The following ACBD5 variants were observed in gnomAD, a reference collection of about 807,000 sequenced individuals.
ACBD5 encodes acyl-CoA-binding domain-containing protein 5.
ACBD5 carries 40 observed loss-of-function variants against 71.8 expected under a neutral mutation model. That is an observed-to-expected ratio of 0.56 (90% confidence interval 0.43 to 0.72). The LOEUF (loss-of-function observed/expected upper bound fraction) is 0.72, where lower values mean the gene tolerates loss of function less well. Ranked by LOEUF, ACBD5 falls within the 30% of genes least tolerant of loss-of-function variation. ACBD5 has a pLI of 0.00. For synonymous variants in ACBD5, 229 were observed against 218.6 expected (o/e 1.05, Z -0.42); for missense variants, 559 against 644.5 (o/e 0.87, Z 1.44).
At chr10:27,229,381 G>A (rs1406792765) in intron 4 of ACBD5, among the ~76,000 whole-genome samples, 1 of 151,762 alleles carries the variant, frequency 6.6e-6, no homozygotes, top group Non-Finnish European at 1.5e-5. Flanking sequence ...CCTGAGGTCA[G>A]GAGTTCGAGA....
At chr10:27,215,462 A>G in intron 8 of ACBD5, 73 bp downstream of exon 8, 1 of 944,784 alleles carries the variant, frequency 1.1e-6, no homozygotes, top group Admixed American at 2.0e-5. Flanking sequence ...TATATTTGCT[A>G]CTAACAGAAG....
chr10:27,221,022 G>A (rs1196108719), intron 5 of ACBD5, among the ~76,000 whole-genome samples: 1 of 152,128 alleles, frequency 6.6e-6, no homozygotes, highest in Non-Finnish European at 1.5e-5. Flanking sequence ...ACAAATGTAC[G>A]TGGTTATTCT....
At chr10:27,200,755 G>A (rs551187130) in intron 12 of ACBD5, among the ~76,000 whole-genome samples, 3 of 152,200 alleles carry the variant, frequency 2.0e-5, no homozygotes, top group East Asian at 1.9e-4. Flanking sequence ...CACCGCGTCC[G>A]GCCTATTCCT....
At chr10:27,212,503 T>C (rs1753387) in intron 8 of ACBD5, among the ~76,000 whole-genome samples, 26,990 of 151,890 alleles carry the variant, frequency 0.18, 2,917 homozygotes, top group East Asian at 0.29. Context: ...TCTGAGTTTT[T>C]CATCCTTTTC....
At chr10:27,212,399 C>T (rs1369234639) in intron 8 of ACBD5, among the ~76,000 whole-genome samples, 1 of 152,090 alleles carries the variant, frequency 6.6e-6, no homozygotes, top group African/African-American at 2.4e-5. Flanking sequence ...TAGAATGTAG[C>T]AGCTGGATAT....
chr10:27,228,815 A>ATATTTTTTT (rs1554856598), intron 4 of ACBD5, among the ~76,000 whole-genome samples: 3 of 20,362 alleles, frequency 1.5e-4, no homozygotes, highest in Non-Finnish European at 2.5e-4. Flanking sequence ...ATATATATAT[A>ATATTTTTTT]TTTTTTTTTT....
rs761127082 is a variant in ACBD5 at position 27,208,421 on chromosome 10, T to A, written c.1229A>T (p.Glu410Val). Residue 410 changes from glutamate (E) to valine (V), a missense_variant, in exon 10 of 13, where the codon GAA (glutamate) becomes GTA (valine). Glu to Val is a moderately radical substitution (Grantham distance 121). Coordinates refer to ENST00000396271, the MANE Select transcript of ACBD5 (RefSeq NM_145698.5). The part of the protein sequence containing the change: ...GRGHRMQHLS[E>V]GTKGRQVGSG... ...TCCCACCTGCCGGCCCTTGGTTCCT[T>A]CGCTCAAGTGTTGCATCCTATGTCC... 9.9e-6 allele frequency: 16 copies of A among 1,614,044 alleles called. 1 individual carries two copies. The highest frequency in any genetic ancestry group is 1.1e-5 in the Non-Finnish European group (13 of 1,180,030).
rs181390916 is a variant in ACBD5 at position 27,186,256 on chromosome 10, G to T, written c.1494-3541C>A. ...TAACAGACATTAAACAAATGTCTGT[G>T]AAACTGACATAATAAAGTAAGGTAA... On this transcript the variant is annotated intron_variant, in intron 13 of 13. Coordinates refer to the ACBD5 transcript ENST00000676511. 450 of 1,012,454 alleles carry T rather than the reference G, an allele frequency of 4.4e-4. No individual in the cohort carries two copies. The African/African-American group carries it at 6.5e-3, about 15-fold the overall frequency. The allele number at this position is 1,012,454 out of a possible 1,614,324, so 62.7% of individuals were successfully genotyped here.
At position 27,196,266 on chromosome 10, in the gene ACBD5, G is replaced by C. The variant is rs1168938894; in HGVS notation, c.*1164C>G. On this transcript the variant is annotated 3_prime_UTR_variant, in exon 13 of 13. Transcript: ENST00000396271. Reference sequence around the variant, plus strand: ...TCTTCAAAGCACAAGGTACATCTAAGTGAGCAGGAAGTTTTGGAAGGCATA... The same window carrying C: ...TCTTCAAAGCACAAGGTACATCTAACTGAGCAGGAAGTTTTGGAAGGCATA... 2 of 453,984 alleles carry C rather than the reference G, an allele frequency of 4.4e-6. No homozygotes were observed. The highest frequency in any genetic ancestry group is 8.8e-6 in the Non-Finnish European group (2 of 226,800). 28.1% of individuals were successfully genotyped at this position (453,984 alleles called of 1,614,324 possible).
intron 5 of ACBD5, chr10:27,220,281 T>C (rs1208223206): frequency 6.5e-6 from 1 of 155,024 alleles, no homozygotes; most frequent in African/African-American, 2.4e-5. Flanking sequence ...CTGTATTACC[T>C]TTAGGACTTC....
At chr10:27,208,207 C>A in intron 10 of ACBD5, 39 bp downstream of exon 10, 2 of 1,593,912 alleles carry the variant, frequency 1.3e-6, no homozygotes, top group South Asian at 2.2e-5. Context: ...TTTCCAGAAT[C>A]AATAAGCACA....
At position 27,197,223 on chromosome 10, in the gene ACBD5, T is replaced by G. The variant is rs2059450907; in HGVS notation, c.*207A>C. ...CTTATAACCTAGTAGAGATTGATTATTCAAGTATCAGCAATATTAGTCCTT... is the reference window on the plus strand; with the variant it reads ...CTTATAACCTAGTAGAGATTGATTAGTCAAGTATCAGCAATATTAGTCCTT... On this transcript the variant is annotated 3_prime_UTR_variant, in exon 13 of 13. Transcript: ENST00000396271. 3 of 661,280 alleles carry G rather than the reference T, an allele frequency of 4.5e-6. No homozygotes were observed. Among genetic ancestry groups the G allele is most frequent in the Non-Finnish European group, 8.4e-6 (3 of 355,940 alleles). 41.0% of individuals were successfully genotyped at this position (661,280 alleles called of 1,614,324 possible). A position where few individuals can be genotyped will look rare whatever the true frequency, so the allele number is the denominator to read the frequency against.
intron 5 of ACBD5, among the ~76,000 whole-genome samples, chr10:27,220,730 T>G (rs2062229176): frequency 6.6e-6 from 1 of 152,182 alleles, no homozygotes. Context: ...GGATCAAGAT[T>G]AGCCAAAACA....
Position 27,208,261 on chromosome 10 carries a change from C to T in ACBD5, c.1389G>A (p.Thr463=), listed in dbSNP as rs77127632. Residue 463 remains threonine (T), a synonymous_variant, in exon 10 of 13, where the codon ACG becomes ACA. Transcript: ENST00000396271. ...GGAAGTTTACCTGCAAAGCAGTCAG[C>T]GTTTCCAGTTTCTGCAGTCTCTGAA... The part of the protein sequence containing the change: ...NVLQRLQKLE[T]LTALQAKSST... The T allele has an allele frequency of 1.1e-5, 18 of 1,614,092 alleles. No homozygotes were observed. Among genetic ancestry groups the T allele is most frequent in the East Asian group, 1.1e-4 (5 of 44,876 alleles).
intron 8 of ACBD5, among the ~76,000 whole-genome samples, chr10:27,212,864 G>A (rs1487182254): frequency 1.3e-5 from 2 of 152,028 alleles, no homozygotes; most frequent in Non-Finnish European, 2.9e-5. Context: ...CACTCCATTT[G>A]TGTTTGACCT....
intron 7 of ACBD5, among the ~76,000 whole-genome samples, chr10:27,216,568 G>T (rs1334133511): frequency 6.6e-6 from 1 of 152,168 alleles, no homozygotes; most frequent in Non-Finnish European, 1.5e-5. Flanking sequence ...GAGCCACTGT[G>T]CCTGACCTTT....
At chr10:27,214,343 T>C (rs1317991288) in intron 8 of ACBD5, among the ~76,000 whole-genome samples, 3 of 151,984 alleles carry the variant, frequency 2.0e-5, no homozygotes, top group African/African-American at 7.2e-5. Flanking sequence ...AAATATCTCA[T>C]ATACCCCATA....
chr10:27,208,107 C>T, intron 10 of ACBD5, 139 bp downstream of exon 10: 3 of 872,146 alleles, frequency 3.4e-6, no homozygotes, highest in Non-Finnish European at 5.5e-6. Context: ...TTTTCTTAAA[C>T]AATATTTTCA....
chr10:27,185,557 C>T (rs1264323960), intron 13 of ACBD5, among the ~76,000 whole-genome samples: 1 of 143,972 alleles, frequency 6.9e-6, no homozygotes, highest in East Asian at 2.1e-4. Flanking sequence ...CGCTTGAACC[C>T]GGGAGGCAGA....
Sources: gnomAD v4.1 joint callset for allele counts (sites outside exome capture counted in the v4.1 genomes callset) on GRCh38, gnomAD v4.1.1 for gene constraint, MANE v1.5 for transcripts, NCBI Gene and HGNC (gene_info 2026-07-23, HGNC 2026-07-21) for gene names.